The following SPEN variants were observed in gnomAD, a reference collection of about 807,000 sequenced individuals.
SPEN encodes spen family transcriptional repressor.
SPEN carries 18 observed loss-of-function variants against 269.9 expected under a neutral mutation model. The observed-to-expected ratio is 0.07, with a 90% CI of 0.05 to 0.10. The LOEUF (loss-of-function observed/expected upper bound fraction) is 0.10. Ranked by LOEUF, SPEN falls within the 10% of genes least tolerant of loss-of-function variation. The pLI, the probability that SPEN is intolerant of heterozygous loss-of-function variation, is 1.00. For missense variants in SPEN, 3,822 were observed against 4,631.2 expected (o/e 0.83, Z 5.07); for synonymous variants, 1,726 against 1,765.7 (o/e 0.98, Z 0.56).
At position 15,848,369 on chromosome 1, in the gene SPEN, C is replaced by T. The variant is rs906259152; in HGVS notation, c.83+219C>T. On this transcript the variant is annotated intron_variant, in intron 1 of 14. Coordinates refer to ENST00000375759, the MANE Select transcript of SPEN (RefSeq NM_015001.3). This position sits in a 1 kb window ranked among gnomAD's most constrained non-coding sequence, Gnocchi z 5.1. ...CAAGCCGCGCCGCCTTCGAAGAGCC[C>T]GCGGGGCCCCGGCGGCCGCGTCCGT... Among the ~76,000 whole-genome samples the T allele has an allele frequency of 7.9e-5, 12 of 151,176 alleles. No individual in the cohort carries two copies. The highest frequency in any genetic ancestry group is 1.6e-4 in the Non-Finnish European group (11 of 67,660).
chr1:15,911,362 TATGAGAGG>T, intron 5 of SPEN, 61 bp downstream of exon 5: 1 of 1,374,826 alleles, frequency 7.3e-7, no homozygotes, highest in Non-Finnish European at 1.0e-6. Context: ...TGTTGCAGTG[TATGAGAGG>T]GCAGCATATG....
In SPEN at chr1:15,929,309, C is replaced by T; in HGVS notation, c.3069C>T (p.Ser1023=). The T allele has an allele frequency of 1.2e-6, 2 of 1,614,110 alleles. No individual in the cohort carries two copies. The highest frequency in any genetic ancestry group is 1.1e-5 in the South Asian group (1 of 91,068). The part of the protein sequence containing the change: ...RVLSKKQPDV[S]SREVILLREG... The stretch of plus-strand genomic sequence containing the variant: ...TTTCAAAAAAGCAGCCTGACGTGTC[C>T]TCTAGAGAGGTCATTCTGCTGAGGG... Residue 1023 remains serine, a synonymous_variant, in exon 11 of 15, where the codon TCC becomes TCT. Coordinates refer to ENST00000375759, the MANE Select transcript of SPEN (RefSeq NM_015001.3). This position sits in a 1 kb window ranked among gnomAD's most constrained non-coding sequence, Gnocchi z 5.8.
intron 1 of SPEN, among the ~76,000 whole-genome samples, chr1:15,871,327 A>G (rs2070570679): frequency 6.6e-6 from 1 of 151,888 alleles, no homozygotes; most frequent in Non-Finnish European, 1.5e-5. Flanking sequence ...AACCCTAGTC[A>G]CTTTTCTCAT....
At chr1:15,890,780 A>G (rs966620103) in intron 3 of SPEN, among the ~76,000 whole-genome samples, 2 of 152,136 alleles carry the variant, frequency 1.3e-5, no homozygotes, top group African/African-American at 4.8e-5. Context: ...GTTGCTCTCC[A>G]TTCTTTTTCT....
chr1:15,871,493 A>G (rs2070574655), intron 1 of SPEN, among the ~76,000 whole-genome samples: 1 of 151,020 alleles, frequency 6.6e-6, no homozygotes, highest in Non-Finnish European at 1.5e-5. Context: ...GATGTGTACT[A>G]CCATGCCCAG....
At chr1:15,922,394 T>A (rs749439801) in intron 10 of SPEN, 45 bp downstream of exon 10, 15 of 1,341,870 alleles carry the variant, frequency 1.1e-5, no homozygotes, top group Non-Finnish European at 1.6e-5. Context: ...TTTAATAGTT[T>A]TAATACAGAA....
Position 15,909,328 on chromosome 1 carries a change from T to A in SPEN, c.889T>A (p.Ser297Thr). 3.1e-6 allele frequency: 5 copies of A among 1,609,344 alleles called. No homozygotes were observed. Among genetic ancestry groups the A allele is most frequent in the Non-Finnish European group, 4.2e-6 (5 of 1,178,552 alleles). The change falls in exon 4 of 15, where the codon TCC becomes ACC. Residue 297 changes from serine (S) to threonine (T), a missense_variant. By Grantham distance (58) the Ser-to-Thr change is moderately conservative. Around this residue, in one of 16 missense-constraint regions of SPEN, gnomAD observed 327 missense variants for 350.8 expected, o/e 0.93. Transcript: ENST00000375759. ...SSSTSSDSSD[S>T]SSSSSDDSPA... ...GTTGTTGCCTTTTTGCAGCAGTGAT[T>A]CCAGCAGTAGTTCAAGTGATGATTC...
rs1338565300 is a variant in SPEN, at chr1:15,930,892, A to T, written c.4652A>T (p.Glu1551Val). The change falls in exon 11 of 15, where the codon GAA becomes GTA. Residue 1551 changes from glutamate to valine, a missense_variant. By Grantham distance (121) the Glu-to-Val change is moderately radical. Around this residue, in one of 16 missense-constraint regions of SPEN, gnomAD observed 533 missense variants for 618.8 expected, o/e 0.86. Coordinates refer to ENST00000375759, the MANE Select transcript of SPEN (RefSeq NM_015001.3). The surrounding 1 kb of genome is among the most constrained non-coding windows in gnomAD (Gnocchi z 5.3). ...TTGCAGCATCTAGAGAGAAAAGAGG[A>T]AGATTCTGACTTCATTTCTGGTAGG... ...KRLQHLERKEEDSDFISGRIY... is the reference protein window; with the variant it reads ...KRLQHLERKEVDSDFISGRIY... The T allele has an allele frequency of 1.2e-6, 2 of 1,614,102 alleles. No individual in the cohort carries two copies. Among genetic ancestry groups the T allele is most frequent in the Non-Finnish European group, 1.7e-6 (2 of 1,180,028 alleles).
chr1:15,899,355 T>A (rs1220833475), intron 3 of SPEN, among the ~76,000 whole-genome samples: 3 of 151,962 alleles, frequency 2.0e-5, no homozygotes, highest in African/African-American at 7.3e-5. Context: ...TTTTTGGTAA[T>A]TTTTTGTAGA....
In SPEN at chr1:15,933,868, A is replaced by G. The variant is rs1339088601; in HGVS notation, c.7628A>G (p.Tyr2543Cys). The G allele has an allele frequency of 3.1e-6, 5 of 1,613,704 alleles. No individual in the cohort carries two copies. Among genetic ancestry groups the G allele is most frequent in the Non-Finnish European group, 4.2e-6 (5 of 1,180,048 alleles). ...TLRKILMDPKYVSATSVTSTS... is the reference protein window; with the variant it reads ...TLRKILMDPKCVSATSVTSTS... ...AGGAAGATTCTCATGGACCCCAAGT[A>G]TGTGTCTGCCACAAGTGTCACTTCC... The change falls in exon 11 of 15, where the codon TAT (tyrosine) becomes TGT (cysteine). Residue 2543 changes from tyrosine to cysteine, a missense_variant. By Grantham distance (194) the Tyr-to-Cys change is radical. This residue lies in a region of SPEN where 727 missense variants were observed against 737.9 expected (regional missense o/e 0.99). Coordinates refer to ENST00000375759, the MANE Select transcript of SPEN (RefSeq NM_015001.3). The surrounding 1 kb of genome is among the most constrained non-coding windows in gnomAD (Gnocchi z 5.7).
At position 15,932,906 on chromosome 1, in the gene SPEN, C is replaced by T. The variant is rs1351116173; in HGVS notation, c.6666C>T (p.Ile2222=). The stretch of plus-strand genomic sequence containing the variant: ...AGCTGGCTGCGGCCATCGGCTCCAT[C>T]ATCAATGACATTTCTGGGGAGCCAG... ...ETELAAAIGS[I]INDISGEPEN... The change falls in exon 11 of 15, where the codon ATC becomes ATT. Residue 2222 remains isoleucine (I), a synonymous_variant. Transcript: ENST00000375759. This position sits in a 1 kb window ranked among gnomAD's most constrained non-coding sequence, Gnocchi z 4.2. 1.9e-6 allele frequency: 3 copies of T among 1,614,258 alleles called. No individual in the cohort carries two copies. The highest frequency in any genetic ancestry group is 1.6e-4 in the Middle Eastern group (1 of 6,062).
At chr1:15,887,366 C>T (rs1029917715) in intron 3 of SPEN, among the ~76,000 whole-genome samples, 3 of 148,306 alleles carry the variant, frequency 2.0e-5, no homozygotes, top group Non-Finnish European at 3.0e-5. Flanking sequence ...CTGCAAGCTC[C>T]GCCTCCCGGG....
chr1:15,939,909 T>TG lies in SPEN; in HGVS notation c.*486dup. On this transcript the variant is annotated 3_prime_UTR_variant, in exon 15 of 15. Transcript: ENST00000375759. This position sits in a 1 kb window ranked among gnomAD's most constrained non-coding sequence, Gnocchi z 4.1. Reference sequence around the variant, plus strand: ...GGACTTCAAACTTCTGCTGAGACCTTGGGGTCAAGGAACATTTCATTGGTT... The same window carrying TG: ...GGACTTCAAACTTCTGCTGAGACCTTGGGGGTCAAGGAACATTTCATTGGTT... 1 of 233,368 alleles carries TG rather than the reference T, an allele frequency of 4.3e-6. No homozygotes were observed. The highest frequency in any genetic ancestry group is 8.5e-6 in the Non-Finnish European group (1 of 117,880). 14.5% of individuals were successfully genotyped at this position (233,368 alleles called of 1,614,324 possible).
At position 15,938,624 on chromosome 1, in the gene SPEN, G is replaced by A. The variant is rs1373249202; in HGVS notation, c.10705-94G>A. ...GGTAGCCTTTAAAGTCATCTCAGAG[G>A]TGGGGGTTTTTGTGGACCTGATACT... On this transcript the variant is annotated intron_variant, in intron 13 of 14. Coordinates refer to ENST00000375759, the MANE Select transcript of SPEN (RefSeq NM_015001.3). 5 of 1,104,152 alleles carry A rather than the reference G, an allele frequency of 4.5e-6. No homozygotes were observed. The East Asian group carries it at 1.4e-4, about 31-fold the overall frequency. The allele number at this position is 1,104,152 out of a possible 1,614,324, so 68.4% of individuals were successfully genotyped here. A position where few individuals can be genotyped will look rare whatever the true frequency, so the allele number is the denominator to read the frequency against.
chr1:15,928,916 C>T lies in SPEN; in HGVS notation c.2676C>T (p.Asp892=), dbSNP rs1478349251. 1 of 1,614,212 alleles carries T rather than the reference C, an allele frequency of 6.2e-7. No homozygotes were observed. Among genetic ancestry groups the T allele is most frequent in the South Asian group, 1.1e-5 (1 of 91,088 alleles). The change falls in exon 11 of 15, where the codon GAC becomes GAT. Residue 892 remains aspartate (D), a synonymous_variant. Coordinates refer to ENST00000375759, the MANE Select transcript of SPEN (RefSeq NM_015001.3). This position sits in a 1 kb window ranked among gnomAD's most constrained non-coding sequence, Gnocchi z 5.7. ...RVKEKEGKVI[D]HTPVEKLKAK... is the part of the protein sequence containing the mutation. ...AAGAGAAAGAGGGAAAGGTCATTGA[C>T]CACACTCCTGTGGAAAAGTTGAAAG...
chr1:15,932,635 G>A lies in SPEN; in HGVS notation c.6395G>A (p.Gly2132Asp), dbSNP rs1017059236. ...EKSESPQKED[G>D]LSSQLKSDPV... The stretch of plus-strand genomic sequence containing the variant: ...AGTGAGAGTCCCCAAAAGGAGGATG[G>A]TTTATCATCCCAGTTGAAAAGTGAT... The change falls in exon 11 of 15, where the codon GGT (glycine) becomes GAT (aspartate). Residue 2132 changes from glycine (G) to aspartate (D), a missense_variant. Gly to Asp is a moderately conservative substitution (Grantham distance 94). Around this residue, in one of 16 missense-constraint regions of SPEN, gnomAD observed 727 missense variants for 737.9 expected, o/e 0.99. Transcript: ENST00000375759. This position sits in a 1 kb window ranked among gnomAD's most constrained non-coding sequence, Gnocchi z 4.2. The A allele has an allele frequency of 1.2e-6, 2 of 1,612,096 alleles. No homozygotes were observed. Among genetic ancestry groups the A allele is most frequent in the Admixed American group, 3.3e-5 (2 of 59,832 alleles).
rs762266580 is a variant in SPEN, at chr1:15,934,489, C to A, written c.8249C>A (p.Ser2750Tyr). 2.5e-6 allele frequency: 4 copies of A among 1,613,962 alleles called. No individual in the cohort carries two copies. Among genetic ancestry groups the A allele is most frequent in the Non-Finnish European group, 3.4e-6 (4 of 1,180,048 alleles). ...TVTAGAVTAA[S>Y]GGVTATTGTV... ...ACAGCGGGTGCGGTTACTGCTGCATCTGGTGGTGTAACGGCCACAACAGGC... is the reference window on the plus strand; with the variant it reads ...ACAGCGGGTGCGGTTACTGCTGCATATGGTGGTGTAACGGCCACAACAGGC... Residue 2750 changes from serine (S) to tyrosine (Y), a missense_variant, in exon 11 of 15, where the codon TCT (serine) becomes TAT (tyrosine). Physicochemically the swap from Ser to Tyr is moderately radical, Grantham distance 144 (BLOSUM62 -2). Coordinates refer to ENST00000375759, the MANE Select transcript of SPEN (RefSeq NM_015001.3). This position sits in a 1 kb window ranked among gnomAD's most constrained non-coding sequence, Gnocchi z 9.2.
intron 11 of SPEN, 43 bp downstream of exon 11, chr1:15,936,309 C>T: frequency 6.7e-7 from 1 of 1,500,258 alleles, no homozygotes; most frequent in South Asian, 1.4e-5. Context: ...TGGGCATGTG[C>T]TTGTGGGGCT....
chr1:15,897,823 A>G (rs1423990307), intron 3 of SPEN, among the ~76,000 whole-genome samples: 1 of 152,192 alleles, frequency 6.6e-6, no homozygotes, highest in East Asian at 1.9e-4. Context: ...TAATGTATCA[A>G]CACAGCATTT....
Sources: allele counts gnomAD v4.1 joint callset (sites outside exome capture counted in the v4.1 genomes callset), GRCh38; gene constraint gnomAD v4.1.1; regional missense constraint gnomAD v4.1.1; non-coding constraint Gnocchi (gnomAD v3.1); transcripts MANE v1.5; gene names NCBI Gene and HGNC (gene_info 2026-07-23, HGNC 2026-07-21).